MBD4: variants seen among roughly 807,000 people sequenced by gnomAD.
MBD4 encodes methyl-CpG-binding domain protein 4.
MBD4 carries 53 observed loss-of-function variants against 60.2 expected under a neutral mutation model. That is an observed-to-expected ratio of 0.88 (90% confidence interval 0.71 to 1.11). MBD4 has a LOEUF of 1.11. MBD4 is among the 50% of genes least tolerant of loss of function. MBD4 has a pLI of 0.00. For missense variants in MBD4, 619 were observed against 674.0 expected (o/e 0.92, Z 0.90); for synonymous variants, 231 against 229.8 (o/e 1.01, Z -0.05).
intron 3 of MBD4, among the ~76,000 whole-genome samples, chr3:129,434,778 TA>T (rs2072426335): frequency 6.6e-6 from 1 of 152,226 alleles, no homozygotes; most frequent in African/African-American, 2.4e-5. Context: ...AGTGAACACT[TA>T]CTTTTACGCT....
In MBD4 at chr3:129,433,869, T is replaced by C. The variant is rs763910366; in HGVS notation, c.1374A>G (p.Ile458Met). The change falls in exon 5 of 8, where the codon ATA (isoleucine) becomes ATG (methionine). Residue 458 changes from isoleucine to methionine, a missense_variant. Physicochemically the swap from Ile to Met is conservative, Grantham distance 10 (BLOSUM62 1). Coordinates refer to ENST00000429544, the MANE Select transcript of MBD4 (RefSeq NM_001276270.2). ...HDPWKLLIAT[I>M]FLNRTSGKMA... ...CCAAACCTGAGGTCCGATTGAGAAA[T>C]ATAGTAGCGATGAGAAGCTTCCATG... 2.5e-6 allele frequency: 4 copies of C among 1,614,104 alleles called. No individual in the cohort carries two copies. The highest frequency in any genetic ancestry group is 3.4e-6 in the Non-Finnish European group (4 of 1,179,992).
chr3:129,438,330 T>C (rs1170074206), intron 1 of MBD4, among the ~76,000 whole-genome samples: 1 of 152,190 alleles, frequency 6.6e-6, no homozygotes, highest in Non-Finnish European at 1.5e-5. Context: ...AGTTACACTG[T>C]CTTCTCTGCA....
Position 129,433,087 on chromosome 3 carries a change from T to G in MBD4, c.1543+11A>C. On this transcript the variant is annotated intron_variant, in intron 6 of 7. Coordinates refer to ENST00000429544, the MANE Select transcript of MBD4 (RefSeq NM_001276270.2). ...GTATTATGTTTTTCCTTTGGGTGTA[T>G]AGGAAAATACCTGAGAACTTGACAA... 4 of 1,614,094 alleles carry G rather than the reference T, an allele frequency of 2.5e-6. No homozygotes were observed. The highest frequency in any genetic ancestry group is 3.4e-6 in the Non-Finnish European group (4 of 1,179,942).
At position 129,436,748 on chromosome 3, in the gene MBD4, G is replaced by A. The variant is rs1357769960; in HGVS notation, c.896C>T (p.Thr299Ile). The change falls in exon 3 of 8, where the codon ACC (threonine) becomes ATC (isoleucine). Residue 299 changes from threonine (T) to isoleucine (I), a missense_variant. Thr to Ile is a moderately conservative substitution (Grantham distance 89). Transcript: ENST00000429544. Reference sequence around the variant, plus strand: ...GTTTTCTTCACTGGTCACACTGAGGGTCTCACCACATGCTCCAGCATCAGA... The same window carrying A: ...GTTTTCTTCACTGGTCACACTGAGGATCTCACCACATGCTCCAGCATCAGA... Reference protein sequence around the residue: ...CISDAGACGETLSVTSEENSL... With the variant: ...CISDAGACGEILSVTSEENSL... 1 of 1,613,828 alleles carries A rather than the reference G, an allele frequency of 6.2e-7. No homozygotes were observed. The highest frequency in any genetic ancestry group is 1.1e-5 in the South Asian group (1 of 91,070).
chr3:129,436,704 C>CT lies in MBD4; in HGVS notation c.939dup (p.Glu314ArgfsTer13), dbSNP rs558765093. 5.4e-4 allele frequency: 800 copies of CT among 1,481,112 alleles called. No homozygotes were observed. Among genetic ancestry groups the CT allele is most frequent in the Middle Eastern group, 7.0e-4 (4 of 5,728 alleles). The allele number at this position is 1,481,112 out of a possible 1,614,324, so 91.7% of individuals were successfully genotyped here. On this transcript the variant is annotated frameshift_variant, in exon 3 of 8. Transcript: ENST00000429544. LOFTEE classifies it high-confidence loss of function. ...TTTGATCCTGAACTCAATGATCTTT[C>CT]TTTTTTTTTTACAAGGCTGTTTTCT...
chr3:129,433,283 C>G, intron 5 of MBD4, 36 bp from the exon 6 acceptor site: 1 of 1,610,588 alleles, frequency 6.2e-7, no homozygotes, highest in Non-Finnish European at 8.5e-7. Flanking sequence ...TTACAAGACT[C>G]CAGGTGGGCT....
chr3:129,434,580 T>C (rs549110337), intron 3 of MBD4, among the ~76,000 whole-genome samples: 81 of 152,352 alleles, frequency 5.3e-4, no homozygotes, highest in Non-Finnish European at 7.6e-4. Context: ...TTGTGAATAT[T>C]TTCCTATTAA....
chr3:129,437,105 G>A lies in MBD4; in HGVS notation c.539C>T (p.Thr180Ile). ...CACATCCTTTTTGCACTTGCTTCGG[G>A]TCCTGAGGTTCCAGTTTGAATTGTT... ...QSNNSNWNLR[T>I]RSKCKKDVFM... The change falls in exon 3 of 8, where the codon ACC (threonine) becomes ATC (isoleucine). Residue 180 changes from threonine (T) to isoleucine (I), a missense_variant. Physicochemically the swap from Thr to Ile is moderately conservative, Grantham distance 89. Transcript: ENST00000429544. 6.2e-7 allele frequency: 1 copy of A among 1,613,922 alleles called. No homozygotes were observed. Among genetic ancestry groups the A allele is most frequent in the Non-Finnish European group, 8.5e-7 (1 of 1,179,862 alleles).
chr3:129,433,466 G>A, intron 5 of MBD4: 1 of 616,512 alleles, frequency 1.6e-6, no homozygotes, highest in East Asian at 2.8e-5. Flanking sequence ...AAATTATGCT[G>A]AAAACTGGCC....
chr3:129,433,231 A>C lies in MBD4; in HGVS notation c.1410T>G (p.Pro470=), dbSNP rs1238291330. Residue 470 remains proline (P), a synonymous_variant, in exon 6 of 8, where the codon CCT becomes CCG. Transcript: ENST00000429544. The part of the protein sequence containing the change: ...LNRTSGKMAI[P]VLWKFLEKYP... ...ACTTCTCCAGAAACTTCCAAAGCAC[A>C]GGTATTGCCATTTTGCCTGGGAAGT... 6.2e-7 allele frequency: 1 copy of C among 1,614,118 alleles called. No homozygotes were observed. The highest frequency in any genetic ancestry group is 2.2e-5 in the East Asian group (1 of 44,898).
At position 129,436,993 on chromosome 3, in the gene MBD4, ATCT is replaced by A. The variant is rs1559801135; in HGVS notation, c.648_650del (p.Glu216del). Reference sequence around the variant, plus strand: ...TGAAGTTAACATCATCAACACCCTCATCTTCTTTCAAAAGCAAATGAGTGGAAG... The same window carrying A: ...TGAAGTTAACATCATCAACACCCTCATCTTTCAAAAGCAAATGAGTGGAAG... On this transcript the variant is annotated inframe_deletion, in exon 3 of 8. Coordinates refer to ENST00000429544, the MANE Select transcript of MBD4 (RefSeq NM_001276270.2). The A allele has an allele frequency of 4.3e-6, 7 of 1,614,182 alleles. No individual in the cohort carries two copies. Among genetic ancestry groups the A allele is most frequent in the South Asian group, 2.2e-5 (2 of 91,076 alleles).
chr3:129,439,681 C>T, intron 1 of MBD4, 49 bp downstream of exon 1: 1 of 1,147,948 alleles, frequency 8.7e-7, no homozygotes, highest in Non-Finnish European at 1.3e-6. Context: ...TCTCCCGATA[C>T]CATTTTACAG....
At chr3:129,438,544 C>T (rs2072550971) in intron 1 of MBD4, among the ~76,000 whole-genome samples, 1 of 152,110 alleles carries the variant, frequency 6.6e-6, no homozygotes. Context: ...GGTTAAATTA[C>T]TTGCAGAACA....
At chr3:129,432,382 G>C in intron 7 of MBD4, 121 bp downstream of exon 7, 1 of 1,584,296 alleles carries the variant, frequency 6.3e-7, no homozygotes, top group South Asian at 1.1e-5. Context: ...CCGCAGCCAG[G>C]AACACAATTG....
At chr3:129,433,337 G>A in intron 5 of MBD4, 90 bp from the exon 6 acceptor site, 1 of 1,439,070 alleles carries the variant, frequency 6.9e-7, no homozygotes, top group Non-Finnish European at 9.6e-7. Context: ...TCATCCAGAG[G>A]GTTTTTTTTT....
Position 129,439,724 on chromosome 3 carries a change from AC to A in MBD4, c.104+5del, listed in dbSNP as rs1158795198. On this transcript the variant is annotated splice_donor_5th_base_variant and intron_variant, in intron 1 of 7. Transcript: ENST00000429544. The stretch of plus-strand genomic sequence containing the variant: ...AACTGAGGCCCAAAAGGGGACAGTA[AC>A]TTACCGGAGGTCATTCGGCGGGTCT... 1 of 1,557,296 alleles carries A rather than the reference AC, an allele frequency of 6.4e-7. No individual in the cohort carries two copies. Among genetic ancestry groups the A allele is most frequent in the Non-Finnish European group, 8.7e-7 (1 of 1,142,868 alleles).
At chr3:129,432,256 GC>G in intron 7 of MBD4, 1 of 1,452,396 alleles carries the variant, frequency 6.9e-7, no homozygotes, top group South Asian at 1.4e-5. Flanking sequence ...CAGGAACAGG[GC>G]CAGAGGTGAC....
chr3:129,439,724 A>G lies in MBD4; in HGVS notation c.104+6T>C. The G allele has an allele frequency of 6.4e-7, 1 of 1,557,296 alleles. No homozygotes were observed. The highest frequency in any genetic ancestry group is 8.7e-7 in the Non-Finnish European group (1 of 1,142,868). Reference sequence around the variant, plus strand: ...AACTGAGGCCCAAAAGGGGACAGTAACTTACCGGAGGTCATTCGGCGGGTC... The same window carrying G: ...AACTGAGGCCCAAAAGGGGACAGTAGCTTACCGGAGGTCATTCGGCGGGTC... On this transcript the variant is annotated splice_donor_region_variant and intron_variant, in intron 1 of 7. Transcript: ENST00000429544.
chr3:129,436,685 C>T lies in MBD4; in HGVS notation c.959G>A (p.Gly320Glu), dbSNP rs750161314. Residue 320 changes from glycine (G) to glutamate (E), a missense_variant, in exon 3 of 8, where the codon GGA (glycine) becomes GAA (glutamate). Physicochemically the swap from Gly to Glu is moderately conservative, Grantham distance 98. Transcript: ENST00000429544. ...TTTTTGTTCAGAACAAAAATTTGAT[C>T]CTGAACTCAATGATCTTTCTTTTTT... ...VKKKERSLSS[G>E]SNFCSEQKTS... The T allele has an allele frequency of 2.1e-5, 34 of 1,614,024 alleles. No individual in the cohort carries two copies. Among genetic ancestry groups the T allele is most frequent in the East Asian group, 4.5e-5 (2 of 44,874 alleles).
Sources: gnomAD v4.1 joint callset for allele counts (sites outside exome capture counted in the v4.1 genomes callset) on GRCh38, gnomAD v4.1.1 for gene constraint, MANE v1.5 for transcripts, NCBI Gene and HGNC (gene_info 2026-07-23, HGNC 2026-07-21) for gene names.